GLIS3: variants seen among roughly 807,000 people sequenced by gnomAD.
GLIS3 encodes GLIS family zinc finger 3.
A neutral mutation model predicts 78.6 loss-of-function variants in GLIS3; 53 were observed. The observed-to-expected ratio is 0.67, with a 90% CI of 0.54 to 0.85. The LOEUF is 0.85. Ranked by LOEUF, GLIS3 falls within the 40% of genes least tolerant of loss-of-function variation. The pLI, the probability that GLIS3 is intolerant of heterozygous loss-of-function variation, is 0.00. For synonymous variants in GLIS3, 684 were observed against 509.9 expected, an observed-to-expected ratio of 1.34 and a Z score of -4.60; for missense variants, 1,703 against 1,231.1, an observed-to-expected ratio of 1.38 and a Z score of -5.74.
At chr9:4,261,214 T>C (rs926414879) in intron 2 of GLIS3, among the ~76,000 whole-genome samples, 16 of 152,160 alleles carry the variant, frequency 1.1e-4, no homozygotes, top group Admixed American at 3.9e-4. Flanking sequence ...ACGGAAAATA[T>C]TGCAAAGCTC....
At chr9:4,390,539 T>G in the GLIS3 span, among the ~76,000 whole-genome samples, 2 of 152,198 alleles carry the variant, frequency 1.3e-5, no homozygotes, top group Non-Finnish European at 2.9e-5. Flanking sequence ...TGGTACTTGA[T>G]AAACTTCATA....
At chr9:4,426,864 G>A in the GLIS3 span, among the ~76,000 whole-genome samples, 1 of 152,308 alleles carries the variant, frequency 6.6e-6, no homozygotes, top group African/African-American at 2.4e-5. Flanking sequence ...AAAAGTCTTA[G>A]CACAGTCCCT....
At chr9:4,448,832 G>GA in the GLIS3 span, among the ~76,000 whole-genome samples, 1 of 152,132 alleles carries the variant, frequency 6.6e-6, no homozygotes, top group Non-Finnish European at 1.5e-5. Context: ...CTTAAAAAAA[G>GA]AAAAAAACTG....
chr9:4,355,316 T>C, the GLIS3 span, among the ~76,000 whole-genome samples: 1 of 152,060 alleles, frequency 6.6e-6, no homozygotes, highest in African/African-American at 2.4e-5. Flanking sequence ...TGGCTTTGTG[T>C]AAACTTACAG....
chr9:4,377,249 G>A, the GLIS3 span, among the ~76,000 whole-genome samples: 5 of 135,362 alleles, frequency 3.7e-5, 2 homozygotes, highest in Non-Finnish European at 6.7e-5. Context: ...GGCTGCCAGC[G>A]CATCTGGAAC....
intron 4 of GLIS3, among the ~76,000 whole-genome samples, chr9:3,974,342 C>G (rs762510629): frequency 1.3e-5 from 2 of 152,148 alleles, no homozygotes; most frequent in Non-Finnish European, 2.9e-5. Context: ...CAGAGCCTCC[C>G]TCGAATGCAG....
At chr9:4,239,378 T>C (rs1823083363) in intron 2 of GLIS3, among the ~76,000 whole-genome samples, 1 of 152,154 alleles carries the variant, frequency 6.6e-6, no homozygotes, top group Non-Finnish European at 1.5e-5. Context: ...CTTTTTTTTT[T>C]TCTCTGCGAT....
chr9:3,972,843 C>G (rs1394900551), intron 4 of GLIS3, among the ~76,000 whole-genome samples: 4 of 152,160 alleles, frequency 2.6e-5, no homozygotes, highest in Non-Finnish European at 5.9e-5. Context: ...ATATGTTGAT[C>G]TTTGCATTGT....
chr9:4,188,046 G>C (rs1231404121), intron 2 of GLIS3, among the ~76,000 whole-genome samples: 1 of 152,050 alleles, frequency 6.6e-6, no homozygotes, highest in Admixed American at 6.6e-5. Context: ...GAATAGGAGT[G>C]GTGAGAGAGG....
chr9:3,913,689 T>C (rs902483152), intron 6 of GLIS3, among the ~76,000 whole-genome samples: 1 of 152,264 alleles, frequency 6.6e-6, no homozygotes, highest in African/African-American at 2.4e-5. Flanking sequence ...GTAATTTTAT[T>C]CTTTTTCATA....
the GLIS3 span, among the ~76,000 whole-genome samples, chr9:4,414,167 G>A: frequency 7.9e-5 from 12 of 152,132 alleles, no homozygotes; most frequent in African/African-American, 1.9e-4. Context: ...AGAATTGAGA[G>A]TCAAAAGGAT....
In GLIS3 at chr9:3,829,330, G is replaced by A. The variant is rs200265407; in HGVS notation, c.2636C>T (p.Ser879Leu). ...CACACCTGTAATGCCCGAGTGAGTC[G>A]AGAAGGCTCTGTGGAAAACATCAAA... ...ASFDVFHRAF[S>L]THSGITVYDL... The change falls in exon 10 of 11, where the codon TCG becomes TTG. Residue 879 changes from serine (S) to leucine (L), a missense_variant. Coordinates refer to ENST00000381971, the MANE Select transcript of GLIS3 (RefSeq NM_001042413.2). The A allele has an allele frequency of 1.4e-4, 218 of 1,613,852 alleles. No individual in the cohort carries two copies. The highest frequency in any genetic ancestry group is 5.2e-4 in the Admixed American group (31 of 60,006).
intron 4 of GLIS3, among the ~76,000 whole-genome samples, chr9:4,103,045 T>C (rs1452196528): frequency 1.3e-5 from 2 of 152,130 alleles, no homozygotes; most frequent in Admixed American, 1.3e-4. Flanking sequence ...AAAAGAGGCA[T>C]CCTGCTGGAG....
intron 2 of GLIS3, among the ~76,000 whole-genome samples, chr9:4,244,359 G>C (rs968479886): frequency 6.6e-6 from 1 of 152,152 alleles, no homozygotes; most frequent in Admixed American, 6.5e-5. Context: ...CATTGTGTTT[G>C]TTCCCAAACC....
intron 2 of GLIS3, among the ~76,000 whole-genome samples, chr9:4,160,252 G>A (rs1835370203): frequency 6.6e-6 from 1 of 152,184 alleles, no homozygotes; most frequent in African/African-American, 2.4e-5. Context: ...CATTTCTTCA[G>A]AATAACCTCC....
intron 8 of GLIS3, among the ~76,000 whole-genome samples, chr9:3,871,160 C>G (rs1180022015): frequency 2.0e-5 from 3 of 152,228 alleles, no homozygotes; most frequent in Non-Finnish European, 2.9e-5. Context: ...CCAGGTCACA[C>G]TGATGCAAGA....
intron 4 of GLIS3, among the ~76,000 whole-genome samples, chr9:4,058,275 T>C (rs1234906862): frequency 2.0e-5 from 3 of 152,114 alleles, no homozygotes; most frequent in Non-Finnish European, 4.4e-5. Flanking sequence ...TGTTTGCCTA[T>C]AATTAACAAC....
chr9:4,090,428 T>C (rs1257266215), intron 4 of GLIS3, among the ~76,000 whole-genome samples: 1 of 151,812 alleles, frequency 6.6e-6, no homozygotes, highest in Non-Finnish European at 1.5e-5. Context: ...GAATCTGTAG[T>C]TTAGCCTTCT....
At chr9:4,231,078 T>C (rs575692461) in intron 2 of GLIS3, among the ~76,000 whole-genome samples, 1 of 140,140 alleles carries the variant, frequency 7.1e-6, no homozygotes, top group East Asian at 2.1e-4. Context: ...TGTAAAAAAG[T>C]AAAAAATAAA....
Sources: gnomAD v4.1 joint callset for allele counts (sites outside exome capture counted in the v4.1 genomes callset) on GRCh38, gnomAD v4.1.1 for gene constraint, MANE v1.5 for transcripts, NCBI Gene and HGNC (gene_info 2026-07-23, HGNC 2026-07-21) for gene names.